The following DENND1A variants were observed in gnomAD, a reference collection of about 807,000 sequenced individuals.
DENND1A encodes the protein DENN domain-containing protein 1A.
Under a neutral mutation model 113.7 loss-of-function variants are expected in DENND1A, and 51 were observed. The ratio of observed to expected loss-of-function variants is 0.45; its 90% CI spans 0.36 to 0.57. The LOEUF (loss-of-function observed/expected upper bound fraction) is 0.57. DENND1A is among the 20% of genes least tolerant of loss of function. DENND1A has a pLI of 0.00. For missense variants in DENND1A, 1,258 were observed against 1,395.9 expected (o/e 0.90, Z 1.57); for synonymous variants, 565 against 570.8 (o/e 0.99, Z 0.14).
chr9:123,648,700 C>A (rs2062473384), intron 9 of DENND1A, among the ~76,000 whole-genome samples: 1 of 152,024 alleles, frequency 6.6e-6, no homozygotes, highest in Admixed American at 6.6e-5. Flanking sequence ...TTAAATAAGC[C>A]TTTCTCTACT....
intron 5 of DENND1A, among the ~76,000 whole-genome samples, chr9:123,692,949 C>T (rs2065271928): frequency 6.6e-6 from 1 of 152,110 alleles, no homozygotes; most frequent in South Asian, 2.1e-4. Context: ...AACTGAGGCT[C>T]AGAGACATGA....
chr9:123,583,363 G>A (rs2059015211), intron 11 of DENND1A, 93 bp from the exon 12 acceptor site: 9 of 895,474 alleles, frequency 1.0e-5, no homozygotes, highest in Middle Eastern at 2.4e-4. Context: ...CATAGAGAAG[G>A]AAAGTGACAT....
intron 19 of DENND1A, chr9:123,414,303 G>A (rs987689085): frequency 6.8e-5 from 95 of 1,391,198 alleles, no homozygotes; most frequent in Admixed American, 5.1e-4. Flanking sequence ...GCCACCAACA[G>A]ACATTAGCAA....
intron 5 of DENND1A, among the ~76,000 whole-genome samples, chr9:123,748,983 T>A (rs1384081872): frequency 6.6e-6 from 1 of 152,232 alleles, no homozygotes; most frequent in African/African-American, 2.4e-5. Context: ...AGTTGGATTA[T>A]TCACATTGCT....
At chr9:123,501,466 T>C (rs182353160) in intron 13 of DENND1A, among the ~76,000 whole-genome samples, 51 of 152,274 alleles carry the variant, frequency 3.3e-4, no homozygotes, top group African/African-American at 1.1e-3. Flanking sequence ...TTCAATTCCT[T>C]TGGGTATATA....
chr9:123,438,150 C>T (rs762267050), intron 19 of DENND1A, among the ~76,000 whole-genome samples: 56 of 152,250 alleles, frequency 3.7e-4, no homozygotes, highest in Non-Finnish European at 6.0e-4. Flanking sequence ...TCATGCCTGC[C>T]GGTAGTAGGT....
Position 123,557,684 on chromosome 9 carries a change from C to T in DENND1A, c.879G>A (p.Leu293=). ...QSLPNDVISS[L]KNRLKKVSTT... ...TGGAGACCTTTTTCAGCCTGTTCTT[C>T]AGGGAAGAGATCTGGTGATGGAGAG... Residue 293 remains leucine (L), a synonymous_variant, in exon 13 of 24, where the codon CTG becomes CTA. Transcript: ENST00000394215. 2 of 1,613,790 alleles carry T rather than the reference C, an allele frequency of 1.2e-6. No homozygotes were observed. Among genetic ancestry groups the T allele is most frequent in the Non-Finnish European group, 1.7e-6 (2 of 1,179,852 alleles).
chr9:123,802,647 C>T (rs1834872351), intron 2 of DENND1A, among the ~76,000 whole-genome samples: 1 of 152,112 alleles, frequency 6.6e-6, no homozygotes, highest in Non-Finnish European at 1.5e-5. Flanking sequence ...ACCCCTGTAG[C>T]ACTCTTCCTT....
Position 123,557,601 on chromosome 9 carries a change from C to G in DENND1A, c.962G>C (p.Gly321Ala). The G allele has an allele frequency of 6.2e-7, 1 of 1,614,042 alleles. No individual in the cohort carries two copies. The highest frequency in any genetic ancestry group is 1.3e-5 in the African/African-American group (1 of 75,036). Residue 321 changes from glycine to alanine, a missense_variant, in exon 13 of 24, where the codon GGT (glycine) becomes GCT (alanine). By Grantham distance (60) the Gly-to-Ala change is moderately conservative (BLOSUM62 0). This residue lies in a region of DENND1A where 1,159 missense variants were observed against 1,231.7 expected (regional missense o/e 0.94). Coordinates refer to ENST00000394215, the MANE Select transcript of DENND1A (RefSeq NM_001352964.2). ...GATTTTCAGAGCGTTTCGGTAGCTA[C>G]CGAAGAAAGCAGCCTGGGCCTTGAG... ...AFLKAQAAFFGSYRNALKIEP... is the reference protein window; with the variant it reads ...AFLKAQAAFFASYRNALKIEP...
At chr9:123,497,173 G>A (rs968351699) in intron 13 of DENND1A, among the ~76,000 whole-genome samples, 2 of 152,226 alleles carry the variant, frequency 1.3e-5, no homozygotes, top group Admixed American at 6.5e-5. Context: ...GGAAGTGTTT[G>A]CATCTACAGC....
intron 5 of DENND1A, among the ~76,000 whole-genome samples, chr9:123,679,255 T>C (rs1432563885): frequency 6.6e-6 from 1 of 152,324 alleles, no homozygotes; most frequent in East Asian, 1.9e-4. Flanking sequence ...GAAGTAGTTT[T>C]GGATGAGTAG....
chr9:123,827,308 AAAG>A (rs1289121668), intron 2 of DENND1A, among the ~76,000 whole-genome samples: 1 of 151,670 alleles, frequency 6.6e-6, no homozygotes, highest in African/African-American at 2.4e-5. Context: ...GTCTGAAAGA[AAAG>A]AAGAACTAGA....
At chr9:123,390,152 T>C (rs1172030658) in intron 21 of DENND1A, among the ~76,000 whole-genome samples, 1 of 152,248 alleles carries the variant, frequency 6.6e-6, no homozygotes, top group Admixed American at 6.5e-5. Context: ...TTTAACCTCT[T>C]GTCACTCTGT....
chr9:123,450,624 C>T, intron 18 of DENND1A, 69 bp downstream of exon 18: 1 of 1,327,630 alleles, frequency 7.5e-7, no homozygotes, highest in Non-Finnish European at 1.1e-6. Flanking sequence ...TATTGATCCC[C>T]TCATACTTTT....
intron 19 of DENND1A, among the ~76,000 whole-genome samples, chr9:123,436,492 C>G (rs1204503198): frequency 6.6e-6 from 1 of 152,132 alleles, no homozygotes; most frequent in Non-Finnish European, 1.5e-5. Flanking sequence ...TTTGACTGTC[C>G]CCTGGGCTTT....
rs544255086 is a variant in DENND1A at position 123,727,639 on chromosome 9, G to A, written c.302+30064C>T. ...AATGATAGGAAAACACCTTCAGAAA[G>A]CCAAGAATGAAAGTAATAAAAACTT... On this transcript the variant is annotated intron_variant, in intron 5 of 23. Transcript: ENST00000394215. Among the ~76,000 whole-genome samples, 8 of 151,742 alleles carry A rather than the reference G, an allele frequency of 5.3e-5. No homozygotes were observed. In the South Asian group the frequency reaches 1.5e-3, roughly 28 times the overall value.
At chr9:123,686,739 A>T (rs2064834978) in intron 5 of DENND1A, among the ~76,000 whole-genome samples, 2 of 152,204 alleles carry the variant, frequency 1.3e-5, no homozygotes, top group Non-Finnish European at 2.9e-5. Flanking sequence ...TATTTTTAAG[A>T]ACTTTTTCTA....
At chr9:123,416,546 G>T (rs1189422932) in intron 19 of DENND1A, among the ~76,000 whole-genome samples, 2 of 152,204 alleles carry the variant, frequency 1.3e-5, no homozygotes, top group Non-Finnish European at 2.9e-5. Flanking sequence ...TCCCCTGGCC[G>T]GGTTGAAATG....
At chr9:123,467,117 T>C (rs1300847354) in intron 13 of DENND1A, among the ~76,000 whole-genome samples, 3 of 152,138 alleles carry the variant, frequency 2.0e-5, no homozygotes, top group Non-Finnish European at 2.9e-5. Context: ...TTGCCTTCTT[T>C]CTGTATTTGA....
Sources: gnomAD v4.1 joint callset for allele counts (sites outside exome capture counted in the v4.1 genomes callset) on GRCh38, gnomAD v4.1.1 for gene constraint, gnomAD v4.1.1 regional missense constraint, MANE v1.5 for transcripts, NCBI Gene and HGNC (gene_info 2026-07-23, HGNC 2026-07-21) for gene names.